HECW2: variants seen among roughly 807,000 people sequenced by gnomAD.
HECW2 encodes the protein HECT, C2 and WW domain containing E3 ubiquitin protein ligase 2.
A neutral mutation model predicts 175.2 loss-of-function variants in HECW2; 61 were observed. The ratio of observed to expected loss-of-function variants is 0.35; its 90% CI spans 0.28 to 0.43. The LOEUF is 0.43. HECW2 is among the 20% of genes least tolerant of loss of function. HECW2 has a pLI of 1.00. For synonymous variants in HECW2, 671 were observed against 731.0 expected (o/e 0.92, Z 1.32); for missense variants, 1,524 against 2,000.5 (o/e 0.76, Z 4.54).
At chr2:196,501,655 T>A (rs1377118075) in intron 1 of HECW2, among the ~76,000 whole-genome samples, 2 of 152,208 alleles carry the variant, frequency 1.3e-5, no homozygotes, top group African/African-American at 2.4e-5. Context: ...CAGTTTCTCC[T>A]GCTTTAGATT....
chr2:196,370,485 G>C (rs913539273), intron 2 of HECW2, among the ~76,000 whole-genome samples: 1 of 152,116 alleles, frequency 6.6e-6, no homozygotes, highest in Admixed American at 6.5e-5. Flanking sequence ...TGCTGCCTGG[G>C]GGTGGGAGAG....
intron 1 of HECW2, among the ~76,000 whole-genome samples, chr2:196,468,935 G>GT (rs1553520680): frequency 6.6e-6 from 1 of 152,128 alleles, no homozygotes; most frequent in Non-Finnish European, 1.5e-5. Context: ...GTTGCAAAAT[G>GT]TTTTTTAGCA....
At chr2:196,564,082 C>A (rs1465734853) in intron 1 of HECW2, among the ~76,000 whole-genome samples, 2 of 152,168 alleles carry the variant, frequency 1.3e-5, no homozygotes, top group Non-Finnish European at 2.9e-5. Context: ...CAGTAGCAGA[C>A]ATCCTGTGCC....
chr2:196,261,763 T>A (rs1427114044), intron 17 of HECW2, among the ~76,000 whole-genome samples: 1 of 152,260 alleles, frequency 6.6e-6, no homozygotes, highest in Admixed American at 6.5e-5. Context: ...ATAAAAGCTG[T>A]AAGCATAAGA....
intron 1 of HECW2, among the ~76,000 whole-genome samples, chr2:196,495,226 C>T (rs1195900804): frequency 2.0e-5 from 3 of 152,186 alleles, no homozygotes; most frequent in Admixed American, 2.0e-4. Context: ...CGCCACCACG[C>T]CCAGCTAATT....
At chr2:196,544,014 C>G (rs1040186125) in intron 1 of HECW2, among the ~76,000 whole-genome samples, 1 of 152,212 alleles carries the variant, frequency 6.6e-6, no homozygotes, top group Non-Finnish European at 1.5e-5. Context: ...CAGGCAGTCC[C>G]ATGTTTCCAC....
intron 1 of HECW2, among the ~76,000 whole-genome samples, chr2:196,481,049 G>A (rs1376021502): frequency 2.6e-5 from 4 of 152,202 alleles, no homozygotes; most frequent in Admixed American, 1.3e-4. Context: ...CTTGTAGTCA[G>A]TAGACACTGA....
intron 21 of HECW2, among the ~76,000 whole-genome samples, chr2:196,236,802 T>C (rs1200086252): frequency 1.3e-5 from 2 of 152,172 alleles, no homozygotes; most frequent in African/African-American, 2.4e-5. Context: ...ATACCGAGGG[T>C]ACATATTATC....
At chr2:196,225,709 T>G in intron 23 of HECW2, 63 bp downstream of exon 23, 1 of 1,053,610 alleles carries the variant, frequency 9.5e-7, no homozygotes, top group Non-Finnish European at 1.5e-6. Context: ...CAGAAGAATT[T>G]TTTCAAAAAA....
chr2:196,383,573 C>A (rs529423155), intron 2 of HECW2, among the ~76,000 whole-genome samples: 1 of 152,104 alleles, frequency 6.6e-6, no homozygotes, highest in African/African-American at 2.4e-5. Context: ...AAAGAGTAGA[C>A]CTTTTCAAGA....
At chr2:196,465,100 T>C (rs80294089) in intron 1 of HECW2, among the ~76,000 whole-genome samples, 3 of 152,244 alleles carry the variant, frequency 2.0e-5, no homozygotes, top group African/African-American at 7.2e-5. Flanking sequence ...CCTGGAGAGG[T>C]AGGGTTCTAC....
intron 1 of HECW2, among the ~76,000 whole-genome samples, chr2:196,440,838 G>A (rs1696019167): frequency 6.6e-6 from 1 of 152,160 alleles, no homozygotes; most frequent in Admixed American, 6.5e-5. Flanking sequence ...CTCCCAGGGT[G>A]AGTCTGTGCT....
Position 196,215,980 on chromosome 2 carries a change from G to A in HECW2, c.4495-3C>T. The A allele has an allele frequency of 6.2e-7, 1 of 1,603,520 alleles. No individual in the cohort carries two copies. The highest frequency in any genetic ancestry group is 8.5e-7 in the Non-Finnish European group (1 of 1,170,692). The stretch of plus-strand genomic sequence containing the variant: ...ATGCTGGATGTGCCTGTAACAAACT[G>A]TCAACCCAAGAAAACAGAAGGAGAA... On this transcript the variant is annotated splice_region_variant and splice_polypyrimidine_tract_variant and intron_variant, in intron 27 of 28. Transcript: ENST00000644978.
intron 3 of HECW2, among the ~76,000 whole-genome samples, chr2:196,342,204 A>G (rs931137037): frequency 3.3e-5 from 5 of 152,010 alleles, no homozygotes; most frequent in Non-Finnish European, 2.9e-5. Flanking sequence ...CAGGAGTTCG[A>G]GACCAGCCTG....
intron 28 of HECW2, among the ~76,000 whole-genome samples, chr2:196,210,014 T>C (rs1244062354): frequency 2.6e-5 from 4 of 152,092 alleles, no homozygotes; most frequent in Non-Finnish European, 2.9e-5. Context: ...CTGCCCACCT[T>C]GGCCTCCCAA....
At chr2:196,242,240 T>C in intron 19 of HECW2, 36 bp from the exon 20 acceptor site, 2 of 1,613,386 alleles carry the variant, frequency 1.2e-6, no homozygotes, top group Non-Finnish European at 1.7e-6. Flanking sequence ...AATCTGGATT[T>C]GTGCCTCGTC....
At chr2:196,522,489 C>T (rs917689970) in intron 1 of HECW2, among the ~76,000 whole-genome samples, 1 of 151,722 alleles carries the variant, frequency 6.6e-6, no homozygotes, top group Non-Finnish European at 1.5e-5. Context: ...TTAATTAGAT[C>T]CCATTTGTCA....
intron 19 of HECW2, among the ~76,000 whole-genome samples, chr2:196,245,752 G>A (rs563606364): frequency 6.6e-6 from 1 of 152,240 alleles, no homozygotes; most frequent in East Asian, 1.9e-4. Context: ...TGTATAGCTG[G>A]GCAAAGAGCT....
chr2:196,433,789 C>T (rs1226915707), intron 1 of HECW2, among the ~76,000 whole-genome samples: 1 of 152,192 alleles, frequency 6.6e-6, no homozygotes, highest in Non-Finnish European at 1.5e-5. Flanking sequence ...TCAAACATGG[C>T]ATCCTCTTCT....
Sources: gnomAD v4.1 joint callset for allele counts (sites outside exome capture counted in the v4.1 genomes callset) on GRCh38, gnomAD v4.1.1 for gene constraint, MANE v1.5 for transcripts, NCBI Gene and HGNC (gene_info 2026-07-23, HGNC 2026-07-21) for gene names.